The following IMMP2L variants were observed in gnomAD, a reference collection of about 807,000 sequenced individuals.
IMMP2L encodes mitochondrial inner membrane protease subunit 2.
A neutral mutation model predicts 19.3 loss-of-function variants in IMMP2L; 18 were observed. That is an observed-to-expected ratio of 0.93 (90% CI 0.64 to 1.38). The LOEUF (loss-of-function observed/expected upper bound fraction) is 1.38, where lower values mean the gene tolerates loss of function less well. Among genes scored for constraint, IMMP2L ranks in the 40% most tolerant of loss-of-function variants. IMMP2L has a pLI of 0.00. For synonymous variants in IMMP2L, 76 were observed against 73.0 expected, an observed-to-expected ratio of 1.04 and a Z score of -0.21; for missense variants, 233 against 218.2, an observed-to-expected ratio of 1.07 and a Z score of -0.43.
intron 1 of IMMP2L, among the ~76,000 whole-genome samples, chr7:111,536,449 A>G (rs1267388227): frequency 6.6e-6 from 1 of 151,902 alleles, no homozygotes; most frequent in Non-Finnish European, 1.5e-5. Context: ...AGGACCACAG[A>G]TGCACACCAC....
chr7:111,525,132 C>T (rs1270206819), intron 1 of IMMP2L, among the ~76,000 whole-genome samples: 1 of 152,110 alleles, frequency 6.6e-6, no homozygotes, highest in Non-Finnish European at 1.5e-5. Flanking sequence ...AAGAGAGATA[C>T]ACAGAGGTCA....
chr7:111,467,885 C>A (rs1195499488), intron 3 of IMMP2L, among the ~76,000 whole-genome samples: 5 of 152,086 alleles, frequency 3.3e-5, no homozygotes, highest in African/African-American at 1.2e-4. Flanking sequence ...AGCATCGATG[C>A]TTACACTGCC....
At chr7:110,840,423 GA>G (rs1804954837) in intron 5 of IMMP2L, among the ~76,000 whole-genome samples, 1 of 152,138 alleles carries the variant, frequency 6.6e-6, no homozygotes, top group Non-Finnish European at 1.5e-5. Flanking sequence ...AAACAAATTA[GA>G]AATTGATTCT....
intron 3 of IMMP2L, among the ~76,000 whole-genome samples, chr7:110,984,389 T>C (rs918905342): frequency 6.6e-6 from 1 of 151,962 alleles, no homozygotes; most frequent in African/African-American, 2.4e-5. Context: ...TATTTAGTAT[T>C]ATCAAATGAA....
In IMMP2L at chr7:111,401,799, G is replaced by A. The variant is rs1226774945; in HGVS notation, c.239+85439C>T. On this transcript the variant is annotated intron_variant, in intron 3 of 5. Transcript: ENST00000405709. ...TAACTTGAGAGGCTATTAAGGAATA[G>A]AATTAGGAAGACTATAGGCTCATTA... Among the ~76,000 whole-genome samples the A allele has an allele frequency of 2.6e-5, 4 of 152,092 alleles. No homozygotes were observed. The East Asian group carries it at 7.8e-4, about 29-fold the overall frequency.
intron 5 of IMMP2L, among the ~76,000 whole-genome samples, chr7:110,684,922 G>T (rs1247706817): frequency 6.6e-6 from 1 of 151,988 alleles, no homozygotes; most frequent in East Asian, 1.9e-4. Flanking sequence ...GTGCTACCTG[G>T]CATTTGAAAC....
Position 111,304,669 on chromosome 7 carries a change from AAT to A in IMMP2L, c.239+182567_239+182568del, listed in dbSNP as rs1491152366. Among the ~76,000 whole-genome samples the A allele has an allele frequency of 7.5e-3, 454 of 60,622 alleles. 3 individuals are homozygous for A. The highest frequency in any genetic ancestry group is 0.022 in the African/African-American group (410 of 18,526). The allele number at this position is 60,622 out of a possible 152,430, so 39.8% of individuals were successfully genotyped here. ...TGGGTGTTTATACATACACATATAT[AAT>A]GTGTGTGTGTGTGTGTGTGTGTGTG... On this transcript the variant is annotated intron_variant, in intron 3 of 5. Transcript: ENST00000405709.
At chr7:110,837,002 T>C (rs759048669) in intron 5 of IMMP2L, among the ~76,000 whole-genome samples, 5 of 152,092 alleles carry the variant, frequency 3.3e-5, no homozygotes, top group Non-Finnish European at 7.4e-5. Flanking sequence ...ATCAGTAATC[T>C]CAAGTTCAGG....
intron 3 of IMMP2L, among the ~76,000 whole-genome samples, chr7:111,421,862 T>A (rs1033836054): frequency 6.6e-6 from 1 of 151,866 alleles, no homozygotes; most frequent in Non-Finnish European, 1.5e-5. Flanking sequence ...AGGTCTAGCA[T>A]AGAAGTCTTT....
At chr7:110,756,196 T>C (rs575706698) in intron 5 of IMMP2L, among the ~76,000 whole-genome samples, 1 of 151,662 alleles carries the variant, frequency 6.6e-6, no homozygotes, top group African/African-American at 2.4e-5. Context: ...ATTTAGGAGG[T>C]GGAAAACAAA....
chr7:111,112,373 T>C (rs994902257), intron 3 of IMMP2L, among the ~76,000 whole-genome samples: 1 of 152,196 alleles, frequency 6.6e-6, no homozygotes, highest in African/African-American at 2.4e-5. Context: ...ACTCTGTCTG[T>C]CACTTCGTAC....
intron 3 of IMMP2L, among the ~76,000 whole-genome samples, chr7:111,474,370 G>C (rs1224050073): frequency 6.6e-6 from 1 of 152,014 alleles, no homozygotes; most frequent in East Asian, 1.9e-4. Context: ...GATAAAGTGT[G>C]CTAAGGAATC....
At position 110,758,414 on chromosome 7, in the gene IMMP2L, G is replaced by A. The variant is rs534792954; in HGVS notation, c.409-94693C>T. On this transcript the variant is annotated intron_variant, in intron 5 of 5. Transcript: ENST00000405709. This position sits in a 1 kb window ranked among gnomAD's most constrained non-coding sequence, Gnocchi z 4.6. ...ATATAGGATAACAAACAGCACGTTA[G>A]TATGCTATTGGAAAAGATCTTATAG... 6.6e-6 allele frequency among the ~76,000 whole-genome samples: 1 copy of A among 152,182 alleles called. No homozygotes were observed. The highest frequency in any genetic ancestry group is 2.1e-4 in the South Asian group (1 of 4,826).
chr7:111,314,339 T>A (rs1563048121), intron 3 of IMMP2L, among the ~76,000 whole-genome samples: 2 of 152,118 alleles, frequency 1.3e-5, no homozygotes, highest in Non-Finnish European at 2.9e-5. Context: ...GAATTGTATA[T>A]AATTTGAAAT....
intron 2 of IMMP2L, among the ~76,000 whole-genome samples, chr7:111,520,655 A>C (rs981248627): frequency 6.6e-6 from 1 of 152,150 alleles, no homozygotes; most frequent in African/African-American, 2.4e-5. Context: ...ATAATACAGG[A>C]AACCAAATCC....
intron 3 of IMMP2L, among the ~76,000 whole-genome samples, chr7:111,276,358 G>C (rs1274418891): frequency 1.3e-5 from 2 of 152,018 alleles, no homozygotes; most frequent in Admixed American, 1.3e-4. Context: ...CTAGTATTTT[G>C]TTGAGGATTT....
At chr7:111,124,811 T>C (rs1447814300) in intron 3 of IMMP2L, 1 of 1,612,890 alleles carries the variant, frequency 6.2e-7, no homozygotes, top group South Asian at 1.1e-5. Flanking sequence ...TATCCTCCTC[T>C]GATAAATCTC....
chr7:111,382,008 G>A (rs1016692189), intron 3 of IMMP2L, among the ~76,000 whole-genome samples: 2 of 151,926 alleles, frequency 1.3e-5, no homozygotes, highest in African/African-American at 4.8e-5. Context: ...TGTCTGGGAA[G>A]CAATTGGATG....
chr7:110,971,650 A>G (rs1820153767), intron 3 of IMMP2L, among the ~76,000 whole-genome samples: 1 of 152,118 alleles, frequency 6.6e-6, no homozygotes, highest in South Asian at 2.1e-4. Context: ...CTGAATTGAA[A>G]AGCATTGTTT....
Sources: gnomAD v4.1 joint callset for allele counts (sites outside exome capture counted in the v4.1 genomes callset) on GRCh38, gnomAD v4.1.1 for gene constraint, Gnocchi (gnomAD v3.1) non-coding constraint, MANE v1.5 for transcripts, NCBI Gene and HGNC (gene_info 2026-07-23, HGNC 2026-07-21) for gene names.